POLR2J: variants seen among roughly 807,000 people sequenced by gnomAD.
POLR2J encodes the protein RNA polymerase II subunit J.
Under a neutral mutation model 13.4 loss-of-function variants are expected in POLR2J, and 12 were observed. That is an observed-to-expected ratio of 0.90 (90% CI 0.57 to 1.45). The LOEUF is 1.45. Ranked by LOEUF, POLR2J falls within the 40% of genes most tolerant of loss-of-function variation. The pLI, the probability that POLR2J is intolerant of heterozygous loss-of-function variation, is 0.00. For missense variants in POLR2J, 58 were observed against 132.0 expected, an observed-to-expected ratio of 0.44 and a Z score of 2.75; for synonymous variants, 31 against 53.6, an observed-to-expected ratio of 0.58 and a Z score of 1.84.
At position 102,474,274 on chromosome 7, in the gene POLR2J, G is replaced by A. The variant is rs958395717; in HGVS notation, c.318+87C>T. On this transcript the variant is annotated intron_variant, in intron 3 of 3. Transcript: ENST00000292614. ...CTGCCGCCTCTCCCCCAGGACCTCC[G>A]AAGAAACAGGCCAGGGCTGTCCCAG... is the stretch of plus-strand genomic sequence containing the variant. 123 of 1,609,032 alleles carry A rather than the reference G, an allele frequency of 7.6e-5. 1 individual carries two copies. Among genetic ancestry groups the A allele is most frequent in the Admixed American group, 1.2e-4 (7 of 59,300 alleles).
chr7:102,478,622 T>A (rs2133288340), intron 1 of POLR2J, among the ~76,000 whole-genome samples, 186 bp downstream of exon 1: 1 of 151,216 alleles, frequency 6.6e-6, no homozygotes, highest in Non-Finnish European at 1.5e-5. Flanking sequence ...CTCAGTGTCC[T>A]CATCTGCAAC....
At chr7:102,473,745 C>T (rs1200640565) in intron 3 of POLR2J, 61 bp from the exon 4 acceptor site, 10 of 1,608,728 alleles carry the variant, frequency 6.2e-6, no homozygotes, top group African/African-American at 2.7e-5. Flanking sequence ...ACGCTGGAAA[C>T]ACATGCCCAG....
In POLR2J at chr7:102,478,918, C is replaced by T; in HGVS notation, c.-58G>A. On this transcript the variant is annotated 5_prime_UTR_variant, in exon 1 of 4. Coordinates refer to ENST00000292614, the MANE Select transcript of POLR2J (RefSeq NM_006234.6). Reference sequence around the variant, plus strand: ...GTCCGCCGCCGCCGCCACCAGAGCCCTAATAAGAGGCCTCTTCCGGATTAC... The same window carrying T: ...GTCCGCCGCCGCCGCCACCAGAGCCTTAATAAGAGGCCTCTTCCGGATTAC... 1 of 1,606,588 alleles carries T rather than the reference C, an allele frequency of 6.2e-7. No homozygotes were observed. The highest frequency in any genetic ancestry group is 8.5e-7 in the Non-Finnish European group (1 of 1,178,264).
chr7:102,473,550 G>C lies in POLR2J; in HGVS notation c.*99C>G. 8.2e-7 allele frequency: 1 copy of C among 1,219,350 alleles called. No individual in the cohort carries two copies. Among genetic ancestry groups the C allele is most frequent in the Non-Finnish European group, 1.0e-6 (1 of 958,840 alleles). The allele number at this position is 1,219,350 out of a possible 1,614,324, so 75.5% of individuals were successfully genotyped here. A position where few individuals can be genotyped will look rare whatever the true frequency, so the allele number is the denominator to read the frequency against. On this transcript the variant is annotated 3_prime_UTR_variant, in exon 4 of 4. Coordinates refer to ENST00000292614, the MANE Select transcript of POLR2J (RefSeq NM_006234.6). ...GAGGGGTGGCCACAAGGCGGGCCAT[G>C]GCTGGGACCGGCCGCTCTCCTCGGT...
intron 1 of POLR2J, among the ~76,000 whole-genome samples, chr7:102,477,290 CTTG>C (rs1422830599): frequency 9.8e-6 from 1 of 101,792 alleles, no homozygotes; most frequent in Admixed American, 1.1e-4. Flanking sequence ...CCCCTGGGAA[CTTG>C]TTAAGAGTCT....
intron 1 of POLR2J, among the ~76,000 whole-genome samples, chr7:102,476,537 G>C (rs573322053): frequency 6.7e-6 from 1 of 148,470 alleles, no homozygotes; most frequent in Non-Finnish European, 1.5e-5. Flanking sequence ...CTACTTGGGA[G>C]ACTGAGGCAG....
chr7:102,476,992 T>A (rs567266108), intron 1 of POLR2J, among the ~76,000 whole-genome samples: 5,836 of 120,260 alleles, frequency 0.049, 569 homozygotes, highest in African/African-American at 0.16. Context: ...TCATCATGCC[T>A]GGCCTGTTCC....
In POLR2J at chr7:102,476,407, G is replaced by T. The variant is rs538143351; in HGVS notation, c.54-137C>A. The T allele has an allele frequency of 9.7e-5, 59 of 609,850 alleles. No individual in the cohort carries two copies. The African/African-American group carries it at 9.9e-4, about 10-fold the overall frequency. The allele number at this position is 609,850 out of a possible 1,614,324, so 37.8% of individuals were successfully genotyped here. On this transcript the variant is annotated intron_variant, in intron 1 of 3. Transcript: ENST00000292614. ...ACACTTTGGGAGGCTGAGGTGGATG[G>T]ATGACCTGAGGTCAGAAGTTCAAGA...
rs1798281650 is a variant in POLR2J at position 102,473,210 on chromosome 7, C to G, written c.*439G>C. 3 of 855,974 alleles carry G rather than the reference C, an allele frequency of 3.5e-6. No homozygotes were observed. The highest frequency in any genetic ancestry group is 3.7e-5 in the South Asian group (2 of 53,914). The allele number at this position is 855,974 out of a possible 1,614,324, so 53.0% of individuals were successfully genotyped here. On this transcript the variant is annotated 3_prime_UTR_variant, in exon 4 of 4. Coordinates refer to ENST00000292614, the MANE Select transcript of POLR2J (RefSeq NM_006234.6). ...TTCGAGTTATGCAGGAAGAAGTGTT[C>G]CTGCTTTGACTGACAGGCAGGCCCA...
intron 2 of POLR2J, among the ~76,000 whole-genome samples, chr7:102,474,978 C>T (rs184999896): frequency 0.013 from 1,886 of 150,138 alleles, 32 homozygotes; most frequent in African/African-American, 0.043. Flanking sequence ...CAGCTGCCAG[C>T]GGCTGGCCAC....
intron 3 of POLR2J, 122 bp downstream of exon 3, chr7:102,474,239 T>A (rs1798344183): frequency 6.3e-7 from 1 of 1,592,008 alleles, no homozygotes; most frequent in South Asian, 1.1e-5. Flanking sequence ...AAGTCCCTGC[T>A]CTTCCATCAC....
intron 3 of POLR2J, 72 bp from the exon 4 acceptor site, chr7:102,473,756 C>A: frequency 6.3e-7 from 1 of 1,596,988 alleles, no homozygotes; most frequent in Middle Eastern, 1.8e-4. Flanking sequence ...ACATGCCCAG[C>A]ATCCCCCCCG....
At chr7:102,474,051 G>A (rs115839223) in intron 3 of POLR2J, 161,025 of 1,448,468 alleles carry the variant, frequency 0.11, 9,477 homozygotes, top group South Asian at 0.14. Flanking sequence ...ACCAGGCCTT[G>A]CCAATCACCA....
rs776385633 is a variant in POLR2J at position 102,474,518 on chromosome 7, G to A, written c.161C>T (p.Pro54Leu). ...NIIKSQLLKD[P>L]QVLFAGYKVP... The stretch of plus-strand genomic sequence containing the variant: ...TTTGTAGCCAGCAAATAGCACTTGC[G>A]GGTCTTTTAGGAGTTGTCTGAGGTC... The change falls in exon 3 of 4, where the codon CCG (proline) becomes CTG (leucine). Residue 54 changes from proline (P) to leucine (L), a missense_variant. Physicochemically the swap from Pro to Leu is moderately conservative, Grantham distance 98. Around this residue, in one of 4 missense-constraint regions of POLR2J, gnomAD observed 23 missense variants for 52.6 expected, o/e 0.44. Coordinates refer to ENST00000292614, the MANE Select transcript of POLR2J (RefSeq NM_006234.6). The A allele has an allele frequency of 6.3e-5, 95 of 1,503,090 alleles. No individual in the cohort carries two copies. The highest frequency in any genetic ancestry group is 8.0e-5 in the Non-Finnish European group (88 of 1,095,660). 93.1% of individuals were successfully genotyped at this position (1,503,090 alleles called of 1,614,324 possible).
At position 102,473,563 on chromosome 7, in the gene POLR2J, C is replaced by A; in HGVS notation, c.*86G>T. ...AAGGCGGGCCATGGCTGGGACCGGC[C>A]GCTCTCCTCGGTGTGGTACCTGGAG... On this transcript the variant is annotated 3_prime_UTR_variant, in exon 4 of 4. Coordinates refer to ENST00000292614, the MANE Select transcript of POLR2J (RefSeq NM_006234.6). 7.4e-7 allele frequency: 1 copy of A among 1,357,982 alleles called. No homozygotes were observed. The allele number at this position is 1,357,982 out of a possible 1,614,324, so 84.1% of individuals were successfully genotyped here. A position where few individuals can be genotyped will look rare whatever the true frequency, so the allele number is the denominator to read the frequency against.
chr7:102,473,486 A>AT lies in POLR2J; in HGVS notation c.*162_*163insA. 4 of 875,276 alleles carry AT rather than the reference A, an allele frequency of 4.6e-6. No homozygotes were observed. Among genetic ancestry groups the AT allele is most frequent in the Non-Finnish European group, 6.2e-6 (4 of 643,692 alleles). The allele number at this position is 875,276 out of a possible 1,614,324, so 54.2% of individuals were successfully genotyped here. ...TCCCGCTATACTTTATTAGGAATAT[A>AT]AAACCTAATCTATGTACAGGACACG... On this transcript the variant is annotated 3_prime_UTR_variant, in exon 4 of 4. Coordinates refer to ENST00000292614, the MANE Select transcript of POLR2J (RefSeq NM_006234.6).
intron 2 of POLR2J, among the ~76,000 whole-genome samples, chr7:102,475,314 G>A (rs2133283819): frequency 6.6e-6 from 1 of 152,322 alleles, no homozygotes; most frequent in South Asian, 2.1e-4. Flanking sequence ...ACAAGTCCCT[G>A]GGCCAGAATG....
At chr7:102,473,823 C>G (rs991679846) in intron 3 of POLR2J, 139 bp from the exon 4 acceptor site, 1 of 1,470,970 alleles carries the variant, frequency 6.8e-7, no homozygotes, top group South Asian at 1.4e-5. Context: ...GTGGAGCAGC[C>G]AAAGGGCCCT....
In POLR2J at chr7:102,474,160, GGGGCAGACGGGAGCCACA is replaced by G. The variant is rs1391625879; in HGVS notation, c.318+183_318+200del. ...CCCTGCAGCACTACAGAAGTCCCAT[GGGGCAGACGGGAGCCACA>G]GGCCCAGACTCCACAGCCCCTCAGT... On this transcript the variant is annotated intron_variant, in intron 3 of 3. Transcript: ENST00000292614. 10 of 1,534,894 alleles carry G rather than the reference GGGGCAGACGGGAGCCACA, an allele frequency of 6.5e-6. No homozygotes were observed. In the Admixed American group the frequency reaches 2.0e-4, roughly 31 times the overall value.
Sources: allele counts gnomAD v4.1 joint callset (sites outside exome capture counted in the v4.1 genomes callset), GRCh38; gene constraint gnomAD v4.1.1; regional missense constraint gnomAD v4.1.1; transcripts MANE v1.5; gene names NCBI Gene and HGNC (gene_info 2026-07-23, HGNC 2026-07-21).